The following ZC3H12B variants were observed in gnomAD, a reference collection of about 807,000 sequenced individuals.
ZC3H12B encodes probable ribonuclease ZC3H12B.
Under a neutral mutation model 43.9 loss-of-function variants are expected in ZC3H12B, and 7 were observed. The ratio of observed to expected loss-of-function variants is 0.16; its 90% CI spans 0.09 to 0.30. ZC3H12B has a LOEUF of 0.30. Among genes scored for constraint, ZC3H12B ranks in the 10% least tolerant of loss-of-function variants. The pLI, the probability that ZC3H12B is intolerant of heterozygous loss-of-function variation, is 1.00. For missense variants in ZC3H12B, 475 were observed against 670.2 expected, an observed-to-expected ratio of 0.71 and a Z score of 3.22; for synonymous variants, 222 against 241.7, an observed-to-expected ratio of 0.92 and a Z score of 0.76.
chrX:65,156,281 T>A, the ZC3H12B span, among the ~76,000 whole-genome samples: 1 of 111,351 alleles, frequency 9.0e-6, no homozygotes, highest in Non-Finnish European at 1.9e-5. Context: ...GCTCACTGCA[T>A]CCTCAAATTC....
intron 2 of ZC3H12B, among the ~76,000 whole-genome samples, chrX:65,377,281 G>C (rs1043019646): frequency 1.8e-5 from 2 of 109,482 alleles, no homozygotes; most frequent in Non-Finnish European, 3.8e-5. Flanking sequence ...AAACGGCCTC[G>C]TAAGAGCAAA....
At chrX:65,374,723 G>T (rs1019758445) in intron 2 of ZC3H12B, among the ~76,000 whole-genome samples, 2 of 111,178 alleles carry the variant, frequency 1.8e-5, no homozygotes, top group Non-Finnish European at 3.8e-5. Context: ...AATTGACTTA[G>T]GTTCTGCAGG....
chrX:65,409,882 A>T (rs931616053), intron 3 of ZC3H12B, among the ~76,000 whole-genome samples: 2 of 111,161 alleles, frequency 1.8e-5, no homozygotes, highest in Non-Finnish European at 3.8e-5. Flanking sequence ...AAATATTCAT[A>T]CTACACAAAG....
the ZC3H12B span, among the ~76,000 whole-genome samples, chrX:65,174,199 C>A: frequency 8.9e-6 from 1 of 111,806 alleles, no homozygotes; most frequent in African/African-American, 3.2e-5. Flanking sequence ...GAGGTGTCTC[C>A]CAGTCAGGGG....
intron 2 of ZC3H12B, among the ~76,000 whole-genome samples, chrX:65,395,617 G>A (rs2066686309): frequency 2.7e-5 from 3 of 112,010 alleles, no homozygotes; most frequent in Non-Finnish European, 5.6e-5. Flanking sequence ...TCACATCAAT[G>A]TTCATCAGGG....
At chrX:65,340,351 C>A in the ZC3H12B span, among the ~76,000 whole-genome samples, 1 of 112,210 alleles carries the variant, frequency 8.9e-6, no homozygotes, top group Non-Finnish European at 1.9e-5. Flanking sequence ...CCACAGCCAA[C>A]AATCATGCAC....
chrX:65,215,211 C>T, the ZC3H12B span, among the ~76,000 whole-genome samples: 6 of 111,783 alleles, frequency 5.4e-5, no homozygotes, highest in African/African-American at 1.6e-4. Context: ...ACCTTAAAGT[C>T]ATCAACTGCA....
At chrX:65,154,256 TA>T in the ZC3H12B span, among the ~76,000 whole-genome samples, 24 of 110,658 alleles carry the variant, frequency 2.2e-4, no homozygotes, top group African/African-American at 6.5e-4. Context: ...AAAAATAAAT[TA>T]AAAAAAATTT....
intron 3 of ZC3H12B, among the ~76,000 whole-genome samples, chrX:65,430,451 G>A (rs1461080654): frequency 1.6e-4 from 17 of 104,850 alleles, no homozygotes; most frequent in Non-Finnish European, 2.3e-4. Flanking sequence ...CCGTTAACTC[G>A]TCATTTACAT....
chrX:65,110,338 G>A, the ZC3H12B span, among the ~76,000 whole-genome samples: 5 of 106,995 alleles, frequency 4.7e-5, 1 homozygote, highest in Admixed American at 1.0e-4. Context: ...TGTGCTTTTG[G>A]TGTTAAGTCT....
At chrX:65,331,243 AT>A in the ZC3H12B span, 1 of 118,643 alleles carries the variant, frequency 8.4e-6, no homozygotes, top group Non-Finnish European at 1.8e-5. Flanking sequence ...TTTATAAGTG[AT>A]TCACTACCTC....
At chrX:65,349,329 A>G in the ZC3H12B span, among the ~76,000 whole-genome samples, 2 of 112,043 alleles carry the variant, frequency 1.8e-5, no homozygotes, top group Non-Finnish European at 3.8e-5. Context: ...GAGAACGAAG[A>G]CACAGTGTAC....
chrX:65,264,894 A>C, the ZC3H12B span, among the ~76,000 whole-genome samples: 1 of 111,451 alleles, frequency 9.0e-6, no homozygotes, highest in Non-Finnish European at 1.9e-5. Flanking sequence ...CCCCCAAATA[A>C]ATAGAATCAT....
chrX:65,055,335 C>T, the ZC3H12B span, among the ~76,000 whole-genome samples: 12 of 111,519 alleles, frequency 1.1e-4, no homozygotes, highest in Non-Finnish European at 1.9e-4. Context: ...CTGCATCTAT[C>T]GAGATAATCA....
At chrX:65,067,269 G>A in the ZC3H12B span, among the ~76,000 whole-genome samples, 14 of 111,609 alleles carry the variant, frequency 1.3e-4, no homozygotes, top group African/African-American at 4.2e-4. Flanking sequence ...GTTTCTGGTG[G>A]TGTAGGCACC....
intron 3 of ZC3H12B, among the ~76,000 whole-genome samples, chrX:65,426,510 T>A (rs1260847716): frequency 9.1e-6 from 1 of 109,781 alleles, no homozygotes; most frequent in African/African-American, 3.3e-5. Flanking sequence ...TGTCTCCTGC[T>A]AGCTTTGGGG....
At chrX:65,159,689 A>T in the ZC3H12B span, among the ~76,000 whole-genome samples, 1 of 111,973 alleles carries the variant, frequency 8.9e-6, no homozygotes, top group South Asian at 3.7e-4. Flanking sequence ...TTCTAGATAT[A>T]CAATCATGTC....
At chrX:65,147,262 T>C in the ZC3H12B span, among the ~76,000 whole-genome samples, 1 of 111,865 alleles carries the variant, frequency 8.9e-6, no homozygotes, top group Non-Finnish European at 1.9e-5. Flanking sequence ...TCTGGTACAG[T>C]CTGCTGGAAG....
At chrX:65,145,504 C>T in the ZC3H12B span, among the ~76,000 whole-genome samples, 4 of 111,554 alleles carry the variant, frequency 3.6e-5, no homozygotes, top group Non-Finnish European at 7.5e-5. Context: ...CCATTTTATT[C>T]TTCGTGCTAT....
Sources: gnomAD v4.1 joint callset for allele counts (sites outside exome capture counted in the v4.1 genomes callset) on GRCh38, gnomAD v4.1.1 for gene constraint, MANE v1.5 for transcripts, NCBI Gene and HGNC (gene_info 2026-07-23, HGNC 2026-07-21) for gene names.